Variants in ZNF366 observed in about 807,000 individuals in gnomAD.
ZNF366 encodes dendritic cell-specific transcript protein.
ZNF366 carries 20 observed loss-of-function variants against 47.2 expected under a neutral mutation model. The ratio of observed to expected loss-of-function variants is 0.42; its 90% CI spans 0.30 to 0.62. The LOEUF (loss-of-function observed/expected upper bound fraction) is 0.62, where lower values mean the gene tolerates loss of function less well. ZNF366 is among the 20% of genes least tolerant of loss of function. The probability of loss-of-function intolerance (pLI) is 0.16; values close to 1 mark genes in which losing one functional copy is unlikely to be tolerated. For synonymous variants in ZNF366, 421 were observed against 395.1 expected, an observed-to-expected ratio of 1.07 and a Z score of -0.78; for missense variants, 987 against 976.3, an observed-to-expected ratio of 1.01 and a Z score of -0.15.
chr5:72,498,174 T>C (rs1744148540), intron 1 of ZNF366, among the ~76,000 whole-genome samples: 1 of 152,232 alleles, frequency 6.6e-6, no homozygotes, highest in Non-Finnish European at 1.5e-5. Flanking sequence ...TTTAAGACTT[T>C]TTAAAGCAAA....
chr5:72,447,120 C>G (rs2112315325), intron 4 of ZNF366, 123 bp downstream of exon 4: 1 of 1,079,440 alleles, frequency 9.3e-7, no homozygotes, highest in East Asian at 2.4e-5. Context: ...TATAAGGTTA[C>G]TCTTGCTACT....
chr5:72,491,101 G>T (rs747885466), intron 1 of ZNF366, among the ~76,000 whole-genome samples: 9 of 152,180 alleles, frequency 5.9e-5, no homozygotes, highest in Admixed American at 1.3e-4. Flanking sequence ...GAAATAAGGA[G>T]AAACTATATG....
chr5:72,460,476 C>T lies in ZNF366; in HGVS notation c.1021G>A (p.Val341Met), dbSNP rs1281948226. 2 of 1,613,958 alleles carry T rather than the reference C, an allele frequency of 1.2e-6. No individual in the cohort carries two copies. The highest frequency in any genetic ancestry group is 1.7e-6 in the Non-Finnish European group (2 of 1,179,954). ...HSEVKPHNCR[V>M]CGRGFAYPSE... ...GGGTAGGCAAAGCCGCGGCCGCACA[C>T]GCGGCAGTTGTGCGGCTTCACCTCG... is the stretch of plus-strand genomic sequence containing the variant. Residue 341 changes from valine to methionine, a missense_variant, in exon 2 of 5, where the codon GTG becomes ATG. By Grantham distance (21) the Val-to-Met change is conservative (BLOSUM62 1). Transcript: ENST00000318442.
intron 1 of ZNF366, among the ~76,000 whole-genome samples, chr5:72,494,829 T>C (rs985058994): frequency 2.0e-5 from 3 of 152,180 alleles, no homozygotes; most frequent in African/African-American, 7.2e-5. Flanking sequence ...GAATGACTAC[T>C]ATGGCAAGGA....
At chr5:72,447,865 A>T (rs752887514) in intron 3 of ZNF366, among the ~76,000 whole-genome samples, 1 of 152,168 alleles carries the variant, frequency 6.6e-6, no homozygotes, top group Non-Finnish European at 1.5e-5. Flanking sequence ...GGTTGCTATT[A>T]CCACCCCCAT....
chr5:72,477,057 T>A (rs951787643), intron 1 of ZNF366, among the ~76,000 whole-genome samples: 1 of 152,126 alleles, frequency 6.6e-6, no homozygotes. Context: ...GAACTGCTGG[T>A]TTTTCAACTC....
intron 1 of ZNF366, among the ~76,000 whole-genome samples, chr5:72,505,052 T>C (rs1458668411): frequency 6.6e-6 from 1 of 152,216 alleles, no homozygotes; most frequent in Non-Finnish European, 1.5e-5. Flanking sequence ...CCTAACATAA[T>C]TTAAAATGTG....
intron 1 of ZNF366, among the ~76,000 whole-genome samples, chr5:72,494,586 C>T (rs1210688628): frequency 6.6e-6 from 1 of 151,400 alleles, no homozygotes; most frequent in African/African-American, 2.4e-5. Context: ...AAATTCAGCT[C>T]CTTTAAAAGC....
At chr5:72,465,053 G>A (rs1334990209) in intron 1 of ZNF366, among the ~76,000 whole-genome samples, 2 of 151,810 alleles carry the variant, frequency 1.3e-5, no homozygotes, top group Non-Finnish European at 2.9e-5. Flanking sequence ...GCAAGACTCT[G>A]TCTAAAAAAA....
At chr5:72,454,973 C>G (rs111579622) in intron 3 of ZNF366, among the ~76,000 whole-genome samples, 1 of 93,294 alleles carries the variant, frequency 1.1e-5, no homozygotes, top group Non-Finnish European at 2.7e-5. Context: ...TGCTCTGCTT[C>G]CATCATCTTT....
chr5:72,488,197 T>G (rs1408535043), intron 1 of ZNF366, among the ~76,000 whole-genome samples: 1 of 148,708 alleles, frequency 6.7e-6, no homozygotes, highest in Non-Finnish European at 1.5e-5. Flanking sequence ...AACGACAGAG[T>G]GAGACCCCAT....
intron 3 of ZNF366, among the ~76,000 whole-genome samples, chr5:72,453,300 G>T (rs1165404895): frequency 6.6e-6 from 1 of 152,216 alleles, no homozygotes; most frequent in African/African-American, 2.4e-5. Context: ...AGAGAACGAA[G>T]ACTGCCTCTT....
At chr5:72,476,932 G>A (rs538081308) in intron 1 of ZNF366, among the ~76,000 whole-genome samples, 1 of 152,072 alleles carries the variant, frequency 6.6e-6, no homozygotes, top group Non-Finnish European at 1.5e-5. Context: ...TCGGGCTGTG[G>A]GATTTTTTTT....
intron 1 of ZNF366, among the ~76,000 whole-genome samples, chr5:72,500,403 C>T (rs1744193041): frequency 6.6e-6 from 1 of 152,106 alleles, no homozygotes; most frequent in East Asian, 1.9e-4. Flanking sequence ...AGCCTTGGTC[C>T]CCTCTTCAGC....
chr5:72,463,736 GA>G (rs1030994291), intron 1 of ZNF366, among the ~76,000 whole-genome samples: 8 of 152,230 alleles, frequency 5.3e-5, no homozygotes, highest in African/African-American at 1.9e-4. Flanking sequence ...TGGGGAAACA[GA>G]GGTTATTTGA....
chr5:72,492,449 C>T (rs185026809), intron 1 of ZNF366, among the ~76,000 whole-genome samples: 2 of 152,184 alleles, frequency 1.3e-5, no homozygotes, highest in African/African-American at 2.4e-5. Flanking sequence ...GGCCCATGTG[C>T]GAAATACCTT....
At chr5:72,461,647 G>A in intron 1 of ZNF366, 137 bp from the exon 2 acceptor site, 1 of 1,217,828 alleles carries the variant, frequency 8.2e-7, no homozygotes, top group Non-Finnish European at 1.1e-6. Context: ...ATTTATCCTA[G>A]GGCTGTTCAA....
intron 1 of ZNF366, among the ~76,000 whole-genome samples, chr5:72,482,364 A>G (rs1409354827): frequency 6.6e-6 from 1 of 152,188 alleles, no homozygotes; most frequent in Non-Finnish European, 1.5e-5. Flanking sequence ...GAAGAAGTGT[A>G]GGGTCCCAGG....
chr5:72,477,535 C>T (rs1322224801), intron 1 of ZNF366, among the ~76,000 whole-genome samples: 9 of 152,146 alleles, frequency 5.9e-5, no homozygotes, highest in African/African-American at 1.9e-4. Context: ...TAGTGTTTTA[C>T]CCAAAGAGCT....
Sources: allele counts gnomAD v4.1 joint callset (sites outside exome capture counted in the v4.1 genomes callset), GRCh38; gene constraint gnomAD v4.1.1; transcripts MANE v1.5; gene names NCBI Gene and HGNC (gene_info 2026-07-23, HGNC 2026-07-21).